SMC1B: variants seen among roughly 807,000 people sequenced by gnomAD.
SMC1B encodes the protein structural maintenance of chromosomes 1B.
In SMC1B, 60 loss-of-function variants were observed where a neutral mutation model predicts 157.9. The ratio of observed to expected loss-of-function variants is 0.38; its 90% confidence interval spans 0.31 to 0.47. The LOEUF is 0.47. Among genes scored for constraint, SMC1B ranks in the 20% least tolerant of loss-of-function variants. The pLI is 0.99. For synonymous variants in SMC1B, 445 were observed against 483.0 expected (o/e 0.92, Z 1.03); for missense variants, 1,165 against 1,426.2 (o/e 0.82, Z 2.95).
chr22:45,411,965 G>A (rs1439949231), intron 1 of SMC1B, among the ~76,000 whole-genome samples: 20 of 151,932 alleles, frequency 1.3e-4, no homozygotes, highest in Admixed American at 1.3e-3. Context: ...TGCAACCTCC[G>A]CCTCCCGGGT....
intron 1 of SMC1B, among the ~76,000 whole-genome samples, chr22:45,412,049 T>G (rs934788743): frequency 3.3e-5 from 5 of 151,800 alleles, no homozygotes; most frequent in African/African-American, 1.2e-4. Flanking sequence ...CAGCTAATTT[T>G]TGTATTTTTA....
chr22:45,384,719 C>CAA (rs541797611), intron 11 of SMC1B, among the ~76,000 whole-genome samples: 2,342 of 119,574 alleles, frequency 0.02, 56 homozygotes, highest in African/African-American at 0.067. Context: ...GACTCCATTT[C>CAA]AAAAAAAAAA....
Position 45,344,066 on chromosome 22 carries a change from GA to G in SMC1B, c.*489del. ...CTAAAATTCTACATTGGAGACATTT[GA>G]AATTAGAACATTTTTTATTGATATT... is the stretch of plus-strand genomic sequence containing the variant. On this transcript the variant is annotated 3_prime_UTR_variant, in exon 25 of 25. Coordinates refer to ENST00000357450, the MANE Select transcript of SMC1B (RefSeq NM_148674.5). 1 of 152,190 alleles carries G rather than the reference GA, an allele frequency of 6.6e-6. No homozygotes were observed. Among genetic ancestry groups the G allele is most frequent in the East Asian group, 1.9e-4 (1 of 5,194 alleles). The allele number at this position is 152,190 out of a possible 1,614,324, so 9.4% of individuals were successfully genotyped here.
chr22:45,352,648 T>C, intron 21 of SMC1B, 46 bp from the exon 22 acceptor site: 1 of 1,552,264 alleles, frequency 6.4e-7, no homozygotes, highest in South Asian at 1.2e-5. Flanking sequence ...AAGCAACTGA[T>C]AAAGTTCAAC....
At chr22:45,403,358 T>C (rs1408880139) in intron 4 of SMC1B, among the ~76,000 whole-genome samples, 1 of 152,246 alleles carries the variant, frequency 6.6e-6, no homozygotes, top group Non-Finnish European at 1.5e-5. Flanking sequence ...TTCCATTTAC[T>C]TCTTCAAATA....
chr22:45,348,691 A>G (rs1013580638), intron 23 of SMC1B, among the ~76,000 whole-genome samples: 13 of 150,676 alleles, frequency 8.6e-5, no homozygotes, highest in Admixed American at 2.0e-4. Flanking sequence ...CTTGTTTTAG[A>G]TATTTAGCTT....
At chr22:45,402,676 T>C in intron 4 of SMC1B, 105 bp from the exon 5 acceptor site, 2 of 798,108 alleles carry the variant, frequency 2.5e-6, no homozygotes, top group Non-Finnish European at 4.1e-6. Context: ...AATGTTTATT[T>C]ATTAGGACAT....
chr22:45,411,945 C>A (rs1281873561), intron 1 of SMC1B, among the ~76,000 whole-genome samples: 1 of 151,998 alleles, frequency 6.6e-6, no homozygotes, highest in Non-Finnish European at 1.5e-5. Context: ...GTGGCACAGT[C>A]TTGGCTCACT....
intron 10 of SMC1B, among the ~76,000 whole-genome samples, chr22:45,388,498 G>C (rs372905948): frequency 2.0e-5 from 3 of 152,152 alleles, no homozygotes; most frequent in Non-Finnish European, 4.4e-5. Flanking sequence ...TGAGCAGAAG[G>C]TAACAACAGT....
At chr22:45,348,718 G>GT (rs59086824) in intron 23 of SMC1B, among the ~76,000 whole-genome samples, 113,386 of 147,958 alleles carry the variant, frequency 0.77, 43,507 homozygotes, top group Non-Finnish European at 0.8. Flanking sequence ...CAAAAGGACT[G>GT]TTTTTTTTGT....
In SMC1B at chr22:45,371,561, T is replaced by G; in HGVS notation, c.2223A>C (p.Leu741=). The part of the protein sequence containing the change: ...YQEQSQLQSE[L]LNIESQCIML... ...TAATACATTGAGACTCAATATTTAGTAGTTCACTTTGTAACTGAGATTGTT... is the reference window on the plus strand; with the variant it reads ...TAATACATTGAGACTCAATATTTAGGAGTTCACTTTGTAACTGAGATTGTT... Residue 741 remains leucine, a synonymous_variant, in exon 14 of 25, where the codon CTA becomes CTC. Coordinates refer to ENST00000357450, the MANE Select transcript of SMC1B (RefSeq NM_148674.5). The G allele has an allele frequency of 1.9e-6, 3 of 1,593,862 alleles. No homozygotes were observed. Among genetic ancestry groups the G allele is most frequent in the Non-Finnish European group, 2.6e-6 (3 of 1,173,130 alleles).
At chr22:45,391,156 G>C (rs539355817) in intron 9 of SMC1B, among the ~76,000 whole-genome samples, 1 of 151,806 alleles carries the variant, frequency 6.6e-6, no homozygotes, top group African/African-American at 2.4e-5. Context: ...CCGAGTAGCT[G>C]AAACTATAGG....
intron 5 of SMC1B, among the ~76,000 whole-genome samples, chr22:45,401,568 T>C (rs2087194123): frequency 6.6e-6 from 1 of 152,246 alleles, no homozygotes; most frequent in African/African-American, 2.4e-5. Context: ...CTTTGTGCAC[T>C]ATGCAAATGG....
chr22:45,410,429 G>A (rs6006744), intron 1 of SMC1B, among the ~76,000 whole-genome samples: 72,413 of 151,972 alleles, frequency 0.48, 19,690 homozygotes, highest in African/African-American at 0.75. Flanking sequence ...CAGGCTGGGC[G>A]CAGCAGCTCA....
At chr22:45,365,454 G>A (rs898142071) in intron 15 of SMC1B, among the ~76,000 whole-genome samples, 4 of 151,988 alleles carry the variant, frequency 2.6e-5, no homozygotes, top group South Asian at 2.1e-4. Context: ...CTGTAATCCC[G>A]GGCACTTTGG....
Position 45,413,510 on chromosome 22 carries a change from C to T in SMC1B, c.58G>A (p.Val20Ile). The T allele has an allele frequency of 1.3e-5, 21 of 1,607,140 alleles. No homozygotes were observed. Among genetic ancestry groups the T allele is most frequent in the South Asian group, 3.3e-5 (3 of 90,146 alleles). The change falls in exon 1 of 25, where the codon GTC (valine) becomes ATC (isoleucine). Residue 20 changes from valine (V) to isoleucine (I), a missense_variant. Val to Ile is a conservative substitution (Grantham distance 29). Transcript: ENST00000357450. ...ENFKSWRGRQ[V>I]IGPFRRFTCI... The stretch of plus-strand genomic sequence containing the variant: ...GTGAACCTCCGGAAGGGGCCAATGA[C>T]CTGGCGGCCCCGCCACGACTTGAAA...
chr22:45,383,462 T>C lies in SMC1B; in HGVS notation c.2058+5A>G. The C allele has an allele frequency of 6.3e-7, 1 of 1,583,428 alleles. No individual in the cohort carries two copies. The highest frequency in any genetic ancestry group is 8.5e-7 in the Non-Finnish European group (1 of 1,170,678). Reference sequence around the variant, plus strand: ...TATATTACAACTTTTATGACATGGATTTACCTTTAGCTCTTGGATTTTCTG... The same window carrying C: ...TATATTACAACTTTTATGACATGGACTTACCTTTAGCTCTTGGATTTTCTG... On this transcript the variant is annotated splice_donor_5th_base_variant and intron_variant, in intron 12 of 24. Transcript: ENST00000357450.
At position 45,344,420 on chromosome 22, in the gene SMC1B, G is replaced by T; in HGVS notation, c.*136C>A. ...AACTAAAGTGAGCCACAGCCTCTTT[G>T]GCTAGAACGACTAAGGTTTCTCTTA... On this transcript the variant is annotated 3_prime_UTR_variant, in exon 25 of 25. Transcript: ENST00000357450. The T allele has an allele frequency of 1.7e-6, 1 of 596,254 alleles. No homozygotes were observed. The highest frequency in any genetic ancestry group is 3.0e-6 in the Non-Finnish European group (1 of 333,388). The allele number at this position is 596,254 out of a possible 1,614,324, so 36.9% of individuals were successfully genotyped here. A position where few individuals can be genotyped will look rare whatever the true frequency, so the allele number is the denominator to read the frequency against.
At position 45,389,848 on chromosome 22, in the gene SMC1B, A is replaced by G; in HGVS notation, c.1595T>C (p.Leu532Pro). 6.2e-7 allele frequency: 1 copy of G among 1,614,178 alleles called. No individual in the cohort carries two copies. The highest frequency in any genetic ancestry group is 1.1e-5 in the South Asian group (1 of 91,084). ...LCHPIHKKYQ[L>P]AVTKVFGRFI... The stretch of plus-strand genomic sequence containing the variant: ...CCGGCCAAAAACCTTAGTAACAGCC[A>G]GCTGGTATTTCTTATGAATAGGATG... The change falls in exon 10 of 25, where the codon CTG becomes CCG. Residue 532 changes from leucine to proline, a missense_variant. Physicochemically the swap from Leu to Pro is moderately conservative, Grantham distance 98. Transcript: ENST00000357450.
Sources: allele counts gnomAD v4.1 joint callset (sites outside exome capture counted in the v4.1 genomes callset), GRCh38; gene constraint gnomAD v4.1.1; transcripts MANE v1.5; gene names NCBI Gene and HGNC (gene_info 2026-07-23, HGNC 2026-07-21).